Variants in PREX1 observed in about 807,000 individuals in gnomAD.
PREX1 encodes phosphatidylinositol-3,4,5-trisphosphate dependent Rac exchange factor 1, also known as phosphatidylinositol 3,4,5-trisphosphate-dependent Rac exchanger 1 protein.
Under a neutral mutation model 198.3 loss-of-function variants are expected in PREX1, and 41 were observed. That is an observed-to-expected ratio of 0.21 (90% CI 0.16 to 0.27). PREX1 has a LOEUF of 0.27. Among genes scored for constraint, PREX1 ranks in the 10% least tolerant of loss-of-function variants. PREX1 has a pLI of 1.00. For synonymous variants in PREX1, 843 were observed against 887.2 expected, an observed-to-expected ratio of 0.95 and a Z score of 0.89; for missense variants, 1,620 against 2,200.7, an observed-to-expected ratio of 0.74 and a Z score of 5.28.
chr20:48,812,263 TAA>T (rs1268882163), intron 1 of PREX1, among the ~76,000 whole-genome samples: 1 of 150,740 alleles, frequency 6.6e-6, no homozygotes, highest in African/African-American at 2.4e-5. Flanking sequence ...GTAAATAATA[TAA>T]GAGGAATGGG....
intron 14 of PREX1, among the ~76,000 whole-genome samples, chr20:48,667,487 G>C (rs563608792): frequency 2.6e-5 from 4 of 152,310 alleles, no homozygotes; most frequent in African/African-American, 9.6e-5. Context: ...TGATGCTCAG[G>C]ATGGTGGGGT....
chr20:48,721,849 C>G (rs527580825), intron 5 of PREX1, among the ~76,000 whole-genome samples: 112 of 152,132 alleles, frequency 7.4e-4, no homozygotes, highest in African/African-American at 2.4e-3. Flanking sequence ...GCAGAGCCGA[C>G]AGGACCTCCT....
In PREX1 at chr20:48,794,981, T is replaced by G. The variant is rs375395122; in HGVS notation, c.219+32661A>C. Among the ~76,000 whole-genome samples, 27 of 152,178 alleles carry G rather than the reference T, an allele frequency of 1.8e-4. 1 individual carries two copies. Among genetic ancestry groups the G allele is most frequent in the African/African-American group, 6.3e-4 (26 of 41,432 alleles). On this transcript the variant is annotated intron_variant, in intron 1 of 39. Transcript: ENST00000371941. Reference sequence around the variant, plus strand: ...CCCAATGTATTGAAACCCTCACATGTCAACTATTATTGCAAAATGTCACCA... The same window carrying G: ...CCCAATGTATTGAAACCCTCACATGGCAACTATTATTGCAAAATGTCACCA...
intron 1 of PREX1, among the ~76,000 whole-genome samples, chr20:48,773,772 C>T (rs542668701): frequency 6.6e-6 from 1 of 152,234 alleles, no homozygotes; most frequent in African/African-American, 2.4e-5. Flanking sequence ...CAGCTTTTCT[C>T]TGGGTAAGGT....
rs2089509493 is a variant in PREX1 at position 48,652,730 on chromosome 20, A to G, written c.2347-24T>C. ...CCCTGCCAGAAGCCAGAGTAAGGGG[A>G]CAGCCATGGTGCCGGCAGGTAGGGA... On this transcript the variant is annotated intron_variant, in intron 20 of 39. Transcript: ENST00000371941. 2 of 1,605,414 alleles carry G rather than the reference A, an allele frequency of 1.2e-6. 1 individual carries two copies. The highest frequency in any genetic ancestry group is 4.5e-5 in the East Asian group (2 of 44,658).
At position 48,687,181 on chromosome 20, in the gene PREX1, T is replaced by C. The variant is rs553574792; in HGVS notation, c.1334+1476A>G. Among the ~76,000 whole-genome samples, 11 of 152,342 alleles carry C rather than the reference T, an allele frequency of 7.2e-5. No homozygotes were observed. The East Asian group carries it at 1.9e-3, about 27-fold the overall frequency. Reference sequence around the variant, plus strand: ...AGACCATTTAACACCATCTCCCATGTGTAGGTCCCCAATGCAGACCTTTCT... The same window carrying C: ...AGACCATTTAACACCATCTCCCATGCGTAGGTCCCCAATGCAGACCTTTCT... On this transcript the variant is annotated intron_variant, in intron 10 of 39. Transcript: ENST00000371941.
At chr20:48,770,000 C>G (rs2090228037) in intron 1 of PREX1, among the ~76,000 whole-genome samples, 1 of 152,082 alleles carries the variant, frequency 6.6e-6, no homozygotes, top group African/African-American at 2.4e-5. Flanking sequence ...ACTTGTAAGC[C>G]CAAGGAGGTA....
upstream of PREX1, among the ~76,000 whole-genome samples, chr20:48,829,824 A>T (rs2090532742): frequency 6.6e-6 from 1 of 152,100 alleles, no homozygotes; most frequent in Non-Finnish European, 1.5e-5. Context: ...TCCAAATCCA[A>T]CTGGCAGGGT....
chr20:48,871,689 T>C, the PREX1 span, among the ~76,000 whole-genome samples: 1 of 95,410 alleles, frequency 1.0e-5, no homozygotes, highest in African/African-American at 4.2e-5. Context: ...TGTATGATTT[T>C]GGGTAATTTA....
chr20:48,744,120 G>A (rs767397284), intron 3 of PREX1, among the ~76,000 whole-genome samples: 7 of 152,114 alleles, frequency 4.6e-5, no homozygotes, highest in African/African-American at 7.2e-5. Flanking sequence ...CTCTGTTGTC[G>A]GGGCTGTCAT....
At chr20:48,795,077 T>C (rs2090355340) in intron 1 of PREX1, among the ~76,000 whole-genome samples, 1 of 152,154 alleles carries the variant, frequency 6.6e-6, no homozygotes, top group Non-Finnish European at 1.5e-5. Flanking sequence ...ACACCTGATG[T>C]GTCATGTATG....
At chr20:48,736,016 G>C (rs2090055649) in intron 3 of PREX1, among the ~76,000 whole-genome samples, 1 of 152,168 alleles carries the variant, frequency 6.6e-6, no homozygotes, top group Non-Finnish European at 1.5e-5. Context: ...CCTTGGGCAA[G>C]TGCTTCTCCT....
intron 1 of PREX1, among the ~76,000 whole-genome samples, chr20:48,804,485 T>C (rs1267892195): frequency 6.6e-6 from 1 of 152,204 alleles, no homozygotes; most frequent in Non-Finnish European, 1.5e-5. Flanking sequence ...CAGGACAGCA[T>C]GTGCAAAGGC....
intron 9 of PREX1, among the ~76,000 whole-genome samples, chr20:48,690,404 A>ACCAAAG (rs2089812157): frequency 6.6e-6 from 1 of 152,132 alleles, no homozygotes; most frequent in Non-Finnish European, 1.5e-5. Flanking sequence ...CCCAAAACAC[A>ACCAAAG]CCAAAGCCTC....
chr20:48,739,439 A>G (rs980053602), intron 3 of PREX1, among the ~76,000 whole-genome samples: 1 of 152,318 alleles, frequency 6.6e-6, no homozygotes, highest in East Asian at 1.9e-4. Flanking sequence ...CTGAAATTCC[A>G]ATTTCCCTGG....
chr20:48,745,208 C>A (rs752140414), intron 2 of PREX1, 61 bp from the exon 3 acceptor site: 40 of 1,530,238 alleles, frequency 2.6e-5, no homozygotes, highest in Middle Eastern at 1.8e-4. Context: ...CAAAGCCAAG[C>A]ACTGAAAAAA....
Position 48,639,748 on chromosome 20 carries a change from C to A in PREX1, c.3904+18G>T, listed in dbSNP as rs1241897348. Reference sequence around the variant, plus strand: ...ATGGCCCCCTCCCCACCATGATGCACCCTCCCTGCCCACCGACCTTCCACA... The same window carrying A: ...ATGGCCCCCTCCCCACCATGATGCAACCTCCCTGCCCACCGACCTTCCACA... On this transcript the variant is annotated intron_variant, in intron 30 of 39. Transcript: ENST00000371941. 1.9e-6 allele frequency: 3 copies of A among 1,612,526 alleles called. No homozygotes were observed. Among genetic ancestry groups the A allele is most frequent in the East Asian group, 2.2e-5 (1 of 44,856 alleles).
chr20:48,655,515 G>A, intron 18 of PREX1, 140 bp from the exon 19 acceptor site: 2 of 648,322 alleles, frequency 3.1e-6, no homozygotes, highest in Non-Finnish European at 5.0e-6. Context: ...GCACCACCAG[G>A]CTTTCCAGCT....
At chr20:48,686,523 G>A (rs1028355208) in intron 10 of PREX1, among the ~76,000 whole-genome samples, 4 of 152,222 alleles carry the variant, frequency 2.6e-5, no homozygotes, top group Non-Finnish European at 5.9e-5. Context: ...TCATCGGTCC[G>A]GACTGAGCAG....
Sources: allele counts gnomAD v4.1 joint callset (sites outside exome capture counted in the v4.1 genomes callset), GRCh38; gene constraint gnomAD v4.1.1; transcripts MANE v1.5; gene names NCBI Gene and HGNC (gene_info 2026-07-23, HGNC 2026-07-21).